WDR41: variants seen among roughly 807,000 people sequenced by gnomAD.
WDR41 encodes WD repeat-containing protein 41.
In WDR41, 63 loss-of-function variants were observed where a neutral mutation model predicts 69.3. The observed-to-expected ratio is 0.91, with a 90% CI of 0.74 to 1.12. WDR41 has a LOEUF of 1.12. WDR41 is among the 50% of genes most tolerant of loss of function. The pLI is 0.00. For missense variants in WDR41, 543 were observed against 534.5 expected (o/e 1.02, Z -0.16); for synonymous variants, 185 against 192.1 (o/e 0.96, Z 0.31).
chr5:77,447,480 A>T (rs1475409771), intron 8 of WDR41, among the ~76,000 whole-genome samples: 1 of 152,214 alleles, frequency 6.6e-6, no homozygotes. Flanking sequence ...TGTTTACTAC[A>T]TCACTATTTA....
At chr5:77,581,594 T>A (rs1743941120) in intron 1 of WDR41, among the ~76,000 whole-genome samples, 1 of 152,212 alleles carries the variant, frequency 6.6e-6, no homozygotes, top group Non-Finnish European at 1.5e-5. Flanking sequence ...GTAGACCATA[T>A]GTTAGGCCAC....
intron 1 of WDR41, among the ~76,000 whole-genome samples, chr5:77,527,007 A>G (rs967581464): frequency 6.6e-6 from 1 of 152,014 alleles, no homozygotes; most frequent in Non-Finnish European, 1.5e-5. Flanking sequence ...ATCTTTTTAA[A>G]CAAAAATGCA....
intron 1 of WDR41, among the ~76,000 whole-genome samples, chr5:77,512,022 A>C (rs1470236657): frequency 2.0e-5 from 3 of 152,180 alleles, no homozygotes; most frequent in Non-Finnish European, 4.4e-5. Flanking sequence ...TCCCATTGGG[A>C]ATTCGTAGCC....
chr5:77,456,705 TTTA>T (rs1328675165), intron 5 of WDR41, among the ~76,000 whole-genome samples: 1 of 152,122 alleles, frequency 6.6e-6, no homozygotes, highest in African/African-American at 2.4e-5. Context: ...AAATTTTTAT[TTTA>T]TTATTTTTTT....
At chr5:77,443,662 A>G (rs955376122) in intron 8 of WDR41, among the ~76,000 whole-genome samples, 3 of 152,046 alleles carry the variant, frequency 2.0e-5, no homozygotes, top group African/African-American at 7.2e-5. Context: ...TCAAACTACA[A>G]AAGAACCAGA....
intron 8 of WDR41, among the ~76,000 whole-genome samples, chr5:77,443,053 C>T (rs1352531720): frequency 6.6e-6 from 1 of 151,568 alleles, no homozygotes; most frequent in East Asian, 1.9e-4. Flanking sequence ...GACTATAATG[C>T]ACTTAGTCTA....
intron 2 of WDR41, among the ~76,000 whole-genome samples, chr5:77,483,283 G>A (rs948942723): frequency 2.0e-5 from 3 of 151,886 alleles, no homozygotes; most frequent in African/African-American, 7.3e-5. Context: ...GACCACAGGT[G>A]TGCACCACCA....
chr5:77,492,023 T>C (rs1801819695), intron 1 of WDR41, 147 bp downstream of exon 1: 4 of 1,031,208 alleles, frequency 3.9e-6, no homozygotes, highest in Non-Finnish European at 4.1e-6. Flanking sequence ...GCCCCCACCG[T>C]CGTGAGAACA....
intron 1 of WDR41, among the ~76,000 whole-genome samples, chr5:77,509,745 G>A (rs746306374): frequency 2.0e-5 from 3 of 152,114 alleles, no homozygotes; most frequent in African/African-American, 4.8e-5. Context: ...TTGAGGTGAC[G>A]AAAACCTAAA....
chr5:77,593,275 A>G (rs1441502506), intron 1 of WDR41, among the ~76,000 whole-genome samples: 2 of 152,186 alleles, frequency 1.3e-5, no homozygotes, highest in Non-Finnish European at 2.9e-5. Context: ...GGAATGTTGT[A>G]TCTGAATTGC....
Position 77,575,534 on chromosome 5 carries a change from C to A in WDR41, c.42+44945G>T, listed in dbSNP as rs561377122. Reference sequence around the variant, plus strand: ...AGAAATCAAAGTGTAAGGGAACACACCTTAGGGCAGACATCCCAGTTGAAA... The same window carrying A: ...AGAAATCAAAGTGTAAGGGAACACAACTTAGGGCAGACATCCCAGTTGAAA... On this transcript the variant is annotated intron_variant, in intron 1 of 5. Coordinates refer to the WDR41 transcript ENST00000509971. Among the ~76,000 whole-genome samples, 399 of 152,250 alleles carry A rather than the reference C, an allele frequency of 2.6e-3. 1 individual carries two copies. Among genetic ancestry groups the A allele is most frequent in the Non-Finnish European group, 4.1e-3 (276 of 68,020 alleles).
intron 9 of WDR41, among the ~76,000 whole-genome samples, chr5:77,440,057 C>T (rs944423261): frequency 6.6e-6 from 1 of 152,016 alleles, no homozygotes; most frequent in Non-Finnish European, 1.5e-5. Context: ...GGATCATATT[C>T]TCCCCCCACT....
At chr5:77,462,938 A>G (rs1002910959) in intron 4 of WDR41, among the ~76,000 whole-genome samples, 157 bp downstream of exon 4, 13 of 152,202 alleles carry the variant, frequency 8.5e-5, no homozygotes, top group African/African-American at 2.9e-4. Flanking sequence ...TACTTTTCAG[A>G]TACCTAATAA....
chr5:77,608,910 G>T (rs1034044247), intron 1 of WDR41, among the ~76,000 whole-genome samples: 1 of 152,214 alleles, frequency 6.6e-6, no homozygotes, highest in Non-Finnish European at 1.5e-5. Context: ...TCAAAGAAAG[G>T]GGTGACAGAC....
At chr5:77,463,996 A>G (rs1281220893) in intron 3 of WDR41, among the ~76,000 whole-genome samples, 1 of 152,186 alleles carries the variant, frequency 6.6e-6, no homozygotes, top group Non-Finnish European at 1.5e-5. Flanking sequence ...GTAACAAATG[A>G]TCAGGAAGGG....
chr5:77,442,871 G>A (rs1326315349), intron 8 of WDR41, among the ~76,000 whole-genome samples: 40 of 106,210 alleles, frequency 3.8e-4, no homozygotes, highest in East Asian at 6.0e-4. Flanking sequence ...CAGCCTGGGC[G>A]ACAGAGCGAG....
chr5:77,455,851 T>G (rs1445162698), intron 5 of WDR41, among the ~76,000 whole-genome samples: 1 of 152,182 alleles, frequency 6.6e-6, no homozygotes, highest in Non-Finnish European at 1.5e-5. Flanking sequence ...CTACTGTAGC[T>G]TCATATTAAG....
chr5:77,605,442 G>A (rs1744397206), intron 1 of WDR41, among the ~76,000 whole-genome samples: 1 of 152,234 alleles, frequency 6.6e-6, no homozygotes, highest in African/African-American at 2.4e-5. Context: ...GTGGTGTGTG[G>A]TGGAAGTTGC....
intron 4 of WDR41, among the ~76,000 whole-genome samples, chr5:77,461,199 C>G (rs181420182): frequency 1.1e-3 from 171 of 152,286 alleles, no homozygotes; most frequent in Admixed American, 3.2e-3. Flanking sequence ...ATATTTGCCT[C>G]TACAGAGTAG....
Sources: allele counts gnomAD v4.1 joint callset (sites outside exome capture counted in the v4.1 genomes callset), GRCh38; gene constraint gnomAD v4.1.1; transcripts MANE v1.5; gene names NCBI Gene and HGNC (gene_info 2026-07-23, HGNC 2026-07-21).